Variants in GPHN observed in about 807,000 individuals in gnomAD.
GPHN encodes the protein gephyrin.
In GPHN, 17 loss-of-function variants were observed where a neutral mutation model predicts 95.5. The ratio of observed to expected loss-of-function variants is 0.18; its 90% CI spans 0.12 to 0.27. GPHN has a LOEUF of 0.27. Among genes scored for constraint, GPHN ranks in the 10% least tolerant of loss-of-function variants. GPHN has a pLI of 1.00. For missense variants in GPHN, 660 were observed against 978.1 expected (o/e 0.67, Z 4.34); for synonymous variants, 320 against 322.5 (o/e 0.99, Z 0.08).
intron 2 of GPHN, among the ~76,000 whole-genome samples, chr14:66,733,668 A>G (rs548373623): frequency 3.3e-5 from 5 of 152,354 alleles, no homozygotes; most frequent in African/African-American, 1.2e-4. Flanking sequence ...ATCAAAGACT[A>G]ACATAATTCC....
intron 11 of GPHN, among the ~76,000 whole-genome samples, chr14:67,066,656 T>G (rs1158020584): frequency 2.6e-5 from 4 of 152,360 alleles, no homozygotes; most frequent in Non-Finnish European, 5.9e-5. Context: ...TAAACTTGCC[T>G]TCTCACTTTA....
intron 3 of GPHN, among the ~76,000 whole-genome samples, chr14:66,795,645 T>C (rs1413295773): frequency 6.6e-6 from 1 of 152,166 alleles, no homozygotes. Context: ...CTACTAATAA[T>C]AATCACTTTT....
intron 4 of GPHN, among the ~76,000 whole-genome samples, chr14:66,837,074 C>T (rs867624268): frequency 0.019 from 2,902 of 150,642 alleles, 37 homozygotes; most frequent in Middle Eastern, 0.034. Flanking sequence ...TACCATTTGA[C>T]CCAGCCATCC....
At chr14:66,980,431 A>G (rs373439956) in intron 9 of GPHN, among the ~76,000 whole-genome samples, 13 of 152,288 alleles carry the variant, frequency 8.5e-5, no homozygotes, top group African/African-American at 2.6e-4. Context: ...TTAAGAACAT[A>G]TAATGTGCTG....
intron 3 of GPHN, among the ~76,000 whole-genome samples, chr14:66,783,378 A>C (rs983682756): frequency 2.6e-5 from 4 of 152,024 alleles, no homozygotes; most frequent in African/African-American, 9.7e-5. Flanking sequence ...GTTGAAACCA[A>C]GCAGAAGTTG....
the GPHN span, among the ~76,000 whole-genome samples, chr14:67,266,907 C>G: frequency 6.6e-6 from 1 of 151,876 alleles, no homozygotes; most frequent in Non-Finnish European, 1.5e-5. Context: ...CCTAGGAGTT[C>G]GACACCAGCC....
Position 67,110,175 on chromosome 14 carries a change from G to C in GPHN, c.1329G>C (p.Arg443=). The change falls in exon 14 of 23, where the codon CGG becomes CGC. Residue 443 remains arginine, a synonymous_variant. Transcript: ENST00000478722. ...CAGTAATGCCAGGACAAGTCATGCG[G>C]GTTACAACAGGTGCTCCAATACCCT... ...TQTVMPGQVM[R]VTTGAPIPCG... 6.2e-7 allele frequency: 1 copy of C among 1,612,322 alleles called. No homozygotes were observed. Among genetic ancestry groups the C allele is most frequent in the African/African-American group, 1.3e-5 (1 of 74,976 alleles).
intron 3 of GPHN, among the ~76,000 whole-genome samples, chr14:66,805,698 A>G (rs776818099): frequency 6.6e-6 from 1 of 152,030 alleles, no homozygotes; most frequent in Non-Finnish European, 1.5e-5. Context: ...TGCAGAATGA[A>G]CTCCTTTGAC....
the GPHN span, among the ~76,000 whole-genome samples, chr14:67,464,186 G>A: frequency 1.3e-5 from 2 of 152,170 alleles, no homozygotes; most frequent in African/African-American, 2.4e-5. Context: ...AGTAGGTACA[G>A]AGAAAGTTTT....
intron 17 of GPHN, among the ~76,000 whole-genome samples, chr14:67,142,771 G>T (rs1305237850): frequency 6.6e-6 from 1 of 152,118 alleles, no homozygotes; most frequent in African/African-American, 2.4e-5. Context: ...TCCCACTCAA[G>T]TCCTTCACTC....
chr14:67,144,253 AT>A (rs1567400597), intron 18 of GPHN, among the ~76,000 whole-genome samples: 5,781 of 45,734 alleles, frequency 0.13, 213 homozygotes, highest in Non-Finnish European at 0.17. Flanking sequence ...AAAAAAAAAT[AT>A]ATATATATAT....
the GPHN span, chr14:67,562,363 C>G: frequency 6.2e-7 from 1 of 1,613,656 alleles, no homozygotes; most frequent in Non-Finnish European, 8.5e-7. Flanking sequence ...CCAGCACGGT[C>G]CATTCTGGGG....
chr14:67,422,293 C>T, the GPHN span, among the ~76,000 whole-genome samples: 47 of 152,120 alleles, frequency 3.1e-4, no homozygotes, highest in Non-Finnish European at 6.0e-4. Flanking sequence ...CCTTGAAAGC[C>T]CCAATAAAGG....
At chr14:67,601,010 G>T in the GPHN span, among the ~76,000 whole-genome samples, 3,272 of 152,364 alleles carry the variant, frequency 0.021, 45 homozygotes, top group Non-Finnish European at 0.033. Flanking sequence ...AGGTGCTTGA[G>T]GATGCAGCAG....
chr14:67,518,224 G>A, the GPHN span, among the ~76,000 whole-genome samples: 1 of 152,346 alleles, frequency 6.6e-6, no homozygotes, highest in East Asian at 1.9e-4. Flanking sequence ...GAGGAGCGGT[G>A]TGGTGGTATG....
At chr14:67,430,135 C>T in the GPHN span, among the ~76,000 whole-genome samples, 1 of 152,272 alleles carries the variant, frequency 6.6e-6, no homozygotes, top group South Asian at 2.1e-4. Context: ...AGCTGAGGCA[C>T]GGGTACGATG....
At chr14:67,159,287 TC>T in intron 18 of GPHN, 127 bp from the exon 19 acceptor site, 1 of 723,202 alleles carries the variant, frequency 1.4e-6, no homozygotes, top group Non-Finnish European at 2.5e-6. Flanking sequence ...GTTAAGCAAA[TC>T]AACTCCATTA....
chr14:67,002,309 CTTTTTTTTTT>C (rs1177817698), intron 9 of GPHN, among the ~76,000 whole-genome samples: 4 of 58,764 alleles, frequency 6.8e-5, no homozygotes, highest in South Asian at 8.0e-4. Flanking sequence ...CTTTGTGTTG[CTTTTTTTTTT>C]TTTTTTTTTT....
chr14:66,652,357 G>A (rs1201063842), intron 1 of GPHN, among the ~76,000 whole-genome samples: 1 of 151,892 alleles, frequency 6.6e-6, no homozygotes. Flanking sequence ...TGCAATTTAA[G>A]CAAATGCGTG....
Sources: gnomAD v4.1 joint callset for allele counts (sites outside exome capture counted in the v4.1 genomes callset) on GRCh38, gnomAD v4.1.1 for gene constraint, MANE v1.5 for transcripts, NCBI Gene and HGNC (gene_info 2026-07-23, HGNC 2026-07-21) for gene names.